Variants in CCDC12 observed in about 807,000 individuals in gnomAD.
CCDC12 encodes coiled-coil domain-containing protein 12.
In CCDC12, 28 loss-of-function variants were observed where a neutral mutation model predicts 25.7. The ratio of observed to expected loss-of-function variants is 1.09; its 90% CI spans 0.81 to 1.50. CCDC12 has a LOEUF of 1.50. Among genes scored for constraint, CCDC12 ranks in the 40% most tolerant of loss-of-function variants. The pLI is 0.00. For missense variants in CCDC12, 198 were observed against 210.0 expected, an observed-to-expected ratio of 0.94 and a Z score of 0.35; for synonymous variants, 75 against 87.7, an observed-to-expected ratio of 0.86 and a Z score of 0.81.
At chr3:46,974,405 G>A (rs1034951954) in intron 1 of CCDC12, among the ~76,000 whole-genome samples, 8 of 152,086 alleles carry the variant, frequency 5.3e-5, no homozygotes, top group Non-Finnish European at 7.3e-5. Context: ...GATCTAGCAC[G>A]TCCTTCCCTG....
chr3:46,925,260 T>C (rs2032896379), intron 3 of CCDC12, 196 bp downstream of exon 3: 4 of 703,994 alleles, frequency 5.7e-6, no homozygotes, highest in Non-Finnish European at 5.2e-6. Context: ...AAGAGGACTC[T>C]TCAGTGCCCC....
rs772187129 is a variant in CCDC12, at chr3:46,923,329, C to G, written c.341G>C (p.Trp114Ser). 1 of 1,489,474 alleles carries G rather than the reference C, an allele frequency of 6.7e-7. No homozygotes were observed. The highest frequency in any genetic ancestry group is 8.9e-7 in the Non-Finnish European group (1 of 1,118,576). The allele number at this position is 1,489,474 out of a possible 1,614,324, so 92.3% of individuals were successfully genotyped here. ...LANLAPRKPD[W>S]DLKRDVAKKL... ...CCCGCCACGCACGGGCAACACTCAC[C>G]AGTCAGGCTTCCGAGGAGCGAGGTT... The change falls in exon 5 of 7, where the codon TGG (tryptophan) becomes TCG (serine). Residue 114 changes from tryptophan (W) to serine (S), a missense_variant and splice_region_variant. By Grantham distance (177) the Trp-to-Ser change is radical. Coordinates refer to ENST00000683445, the MANE Select transcript of CCDC12 (RefSeq NM_001277074.2).
chr3:46,977,014 T>G, upstream of CCDC12: 1 of 489,808 alleles, frequency 2.0e-6, no homozygotes, highest in Non-Finnish European at 3.6e-6. Flanking sequence ...CGCTGATCAG[T>G]GAAAGAGCAG....
intron 1 of CCDC12, among the ~76,000 whole-genome samples, chr3:46,944,613 G>T (rs866237279): frequency 5.3e-5 from 8 of 151,790 alleles, no homozygotes; most frequent in Non-Finnish European, 7.4e-5. Context: ...CCAATCCCTA[G>T]TCTCGTCTAC....
At chr3:46,970,318 G>A (rs1263004796) in intron 1 of CCDC12, among the ~76,000 whole-genome samples, 1 of 151,748 alleles carries the variant, frequency 6.6e-6, no homozygotes, top group African/African-American at 2.4e-5. Context: ...TATCATTAGT[G>A]TTACTGCATA....
In CCDC12 at chr3:46,952,010, C is replaced by T. The variant is rs1005087757; in HGVS notation, c.97-10945G>A. On this transcript the variant is annotated intron_variant, in intron 1 of 6. Coordinates refer to ENST00000683445, the MANE Select transcript of CCDC12 (RefSeq NM_001277074.2). ...ACATTCTCCTGTGTGGGCCAAAGGT[C>T]ATGACCACTTTTAGCACAAAGGTGT... Among the ~76,000 whole-genome samples the T allele has an allele frequency of 5.3e-5, 8 of 151,164 alleles. 1 individual carries two copies. The highest frequency in any genetic ancestry group is 3.3e-4 in the Admixed American group (5 of 15,134).
chr3:46,971,850 T>A (rs1169939874), intron 1 of CCDC12, among the ~76,000 whole-genome samples: 1 of 152,186 alleles, frequency 6.6e-6, no homozygotes, highest in Non-Finnish European at 1.5e-5. Context: ...TCAATCCTGG[T>A]GTCTGTTGTC....
chr3:46,981,499 C>T (rs1260948510), upstream of CCDC12, among the ~76,000 whole-genome samples: 1 of 152,164 alleles, frequency 6.6e-6, no homozygotes, highest in African/African-American at 2.4e-5. Context: ...GCTTCCTGGA[C>T]TCTGTGGAGA....
intron 1 of CCDC12, among the ~76,000 whole-genome samples, chr3:46,965,656 A>C (rs953812007): frequency 3.9e-5 from 6 of 152,138 alleles, no homozygotes; most frequent in Non-Finnish European, 5.9e-5. Flanking sequence ...CACCAATTCT[A>C]TCCCAGAGGA....
At chr3:46,922,357 T>A in intron 5 of CCDC12, 45 bp from the exon 6 acceptor site, 3 of 1,607,216 alleles carry the variant, frequency 1.9e-6, no homozygotes, top group Non-Finnish European at 2.6e-6. Flanking sequence ...AAGGCTGGCC[T>A]GATGTGGCAT....
chr3:46,955,857 C>A (rs766730683), intron 1 of CCDC12, among the ~76,000 whole-genome samples: 1 of 152,216 alleles, frequency 6.6e-6, no homozygotes, highest in Non-Finnish European at 1.5e-5. Flanking sequence ...CAGTCCCTTC[C>A]AACTGCAAGC....
chr3:46,938,524 T>G (rs1352827984), intron 2 of CCDC12, among the ~76,000 whole-genome samples: 1 of 143,952 alleles, frequency 6.9e-6, no homozygotes, highest in Non-Finnish European at 1.5e-5. Context: ...TCCTGTTTTT[T>G]TTTTTTTTTT....
At chr3:46,963,047 T>C (rs925241592) in intron 1 of CCDC12, among the ~76,000 whole-genome samples, 5 of 152,136 alleles carry the variant, frequency 3.3e-5, no homozygotes, top group Admixed American at 6.5e-5. Context: ...CTGACAAACA[T>C]ATGATGAATG....
intron 2 of CCDC12, among the ~76,000 whole-genome samples, chr3:46,935,324 G>A (rs540976935): frequency 6.6e-6 from 1 of 152,232 alleles, no homozygotes; most frequent in East Asian, 1.9e-4. Context: ...CATAGGAGGA[G>A]GCGAGTGCTC....
intron 1 of CCDC12, among the ~76,000 whole-genome samples, chr3:46,956,864 T>C (rs1559560938): frequency 6.6e-6 from 1 of 151,134 alleles, no homozygotes; most frequent in Non-Finnish European, 1.5e-5. Flanking sequence ...AACGTAAATA[T>C]CCGGAGGGCC....
At chr3:46,961,400 T>C (rs2034460429) in intron 1 of CCDC12, among the ~76,000 whole-genome samples, 2 of 152,184 alleles carry the variant, frequency 1.3e-5, no homozygotes, top group Admixed American at 6.5e-5. Flanking sequence ...GAAGCAACTA[T>C]CGGAGGTAAC....
At chr3:46,966,340 C>T (rs2107190196) in intron 1 of CCDC12, among the ~76,000 whole-genome samples, 1 of 152,178 alleles carries the variant, frequency 6.6e-6, no homozygotes, top group African/African-American at 2.4e-5. Flanking sequence ...TGGCGAAACC[C>T]CATCTCTACT....
chr3:46,950,025 C>CA (rs11298672), intron 1 of CCDC12, among the ~76,000 whole-genome samples: 2,541 of 108,440 alleles, frequency 0.023, 39 homozygotes, highest in Middle Eastern at 0.051. Context: ...GACTCCATCT[C>CA]AAAAAAAAAA....
intron 1 of CCDC12, among the ~76,000 whole-genome samples, chr3:46,956,244 C>A (rs1246232137): frequency 2.0e-5 from 3 of 152,200 alleles, no homozygotes; most frequent in Non-Finnish European, 2.9e-5. Context: ...CTAGCAGCAG[C>A]CCAGGGAACG....
Sources: allele counts gnomAD v4.1 joint callset (sites outside exome capture counted in the v4.1 genomes callset), GRCh38; gene constraint gnomAD v4.1.1; transcripts MANE v1.5; gene names NCBI Gene and HGNC (gene_info 2026-07-23, HGNC 2026-07-21).